The following CLYBL variants were observed in gnomAD, a reference collection of about 807,000 sequenced individuals.
CLYBL encodes citramalyl-CoA lyase, mitochondrial.
A neutral mutation model predicts 38.9 loss-of-function variants in CLYBL; 31 were observed. The observed-to-expected ratio is 0.80, with a 90% CI of 0.60 to 1.08. The LOEUF is 1.08. CLYBL is among the 50% of genes least tolerant of loss of function. CLYBL has a pLI of 0.00. For synonymous variants in CLYBL, 171 were observed against 158.6 expected, an observed-to-expected ratio of 1.08 and a Z score of -0.59; for missense variants, 434 against 411.6, an observed-to-expected ratio of 1.05 and a Z score of -0.47.
intron 1 of CLYBL, among the ~76,000 whole-genome samples, chr13:99,664,117 G>A (rs1307667763): frequency 1.3e-5 from 2 of 152,178 alleles, no homozygotes; most frequent in African/African-American, 2.4e-5. Context: ...ACTCTTGACC[G>A]CTGACATTTA....
At chr13:99,810,922 C>T (rs1057055485) in intron 2 of CLYBL, among the ~76,000 whole-genome samples, 3 of 152,090 alleles carry the variant, frequency 2.0e-5, no homozygotes, top group Non-Finnish European at 2.9e-5. Flanking sequence ...AGCAAAATTC[C>T]GTTCTCTTCT....
intron 1 of CLYBL, among the ~76,000 whole-genome samples, chr13:99,744,005 C>T (rs1408698595): frequency 1.7e-5 from 2 of 118,002 alleles, no homozygotes; most frequent in Non-Finnish European, 3.2e-5. Context: ...CGGAGTTTCG[C>T]TCTGTCACCC....
intron 2 of CLYBL, among the ~76,000 whole-genome samples, chr13:99,790,905 T>C (rs1311429482): frequency 1.3e-5 from 2 of 152,222 alleles, no homozygotes; most frequent in African/African-American, 4.8e-5. Context: ...GGGTGAGGCA[T>C]ATCCGCCAAT....
chr13:99,702,952 A>G (rs2048091381), intron 1 of CLYBL, among the ~76,000 whole-genome samples: 1 of 152,254 alleles, frequency 6.6e-6, no homozygotes, highest in Admixed American at 6.5e-5. Context: ...ACTTTCCACC[A>G]TGAACTCTTT....
intron 2 of CLYBL, among the ~76,000 whole-genome samples, chr13:99,834,853 C>T (rs991756697): frequency 3.3e-5 from 5 of 152,202 alleles, no homozygotes; most frequent in Admixed American, 3.3e-4. Flanking sequence ...ACACTTTTGT[C>T]TTATTGTTCA....
At chr13:99,900,937 C>T (rs1252184221), downstream of CLYBL, among the ~76,000 whole-genome samples, 1 of 152,220 alleles carries the variant, frequency 6.6e-6, no homozygotes, top group Non-Finnish European at 1.5e-5. Context: ...AGTGCCACCT[C>T]GCAATACACC....
chr13:99,692,296 T>TG (rs201273888), intron 1 of CLYBL, among the ~76,000 whole-genome samples: 42,845 of 150,450 alleles, frequency 0.28, 7,162 homozygotes, highest in East Asian at 0.56. Context: ...GTTTTTTTTT[T>TG]TTTGTTTGTT....
chr13:99,822,362 CTG>C (rs2139037616), intron 2 of CLYBL, among the ~76,000 whole-genome samples: 1 of 152,290 alleles, frequency 6.6e-6, no homozygotes, highest in East Asian at 1.9e-4. Flanking sequence ...AGGCTTAAAA[CTG>C]GGACAGGATC....
At chr13:99,616,143 C>CTTTT (rs34142988) in intron 1 of CLYBL, among the ~76,000 whole-genome samples, 6 of 83,812 alleles carry the variant, frequency 7.2e-5, no homozygotes, top group African/African-American at 1.0e-4. Context: ...CCACGCCTGG[C>CTTTT]TTTTTTTTTT....
chr13:99,792,118 T>C lies in CLYBL; in HGVS notation c.249+19108T>C, dbSNP rs997897120. Reference sequence around the variant, plus strand: ...CCAGAGAGAAAAATAAGTCATTTTATTGAACTGCTAAACAATAGATTTTTA... The same window carrying C: ...CCAGAGAGAAAAATAAGTCATTTTACTGAACTGCTAAACAATAGATTTTTA... On this transcript the variant is annotated intron_variant, in intron 2 of 8. Coordinates refer to ENST00000339105, the MANE Select transcript of CLYBL (RefSeq NM_206808.5). Among the ~76,000 whole-genome samples the C allele has an allele frequency of 2.0e-5, 3 of 152,344 alleles. No homozygotes were observed. In the South Asian group the frequency reaches 6.2e-4, roughly 32 times the overall value.
intron 8 of CLYBL, among the ~76,000 whole-genome samples, chr13:99,903,270 C>G (rs72656018): frequency 6.6e-6 from 1 of 152,206 alleles, no homozygotes; most frequent in Non-Finnish European, 1.5e-5. Context: ...GCCCCATGGC[C>G]GCAGTCTGCC....
At chr13:99,906,431 GTTTTCTTTTTT>G (rs2052698454) in intron 9 of CLYBL, among the ~76,000 whole-genome samples, 1 of 11,400 alleles carries the variant, frequency 8.8e-5, no homozygotes, top group African/African-American at 2.1e-4. Context: ...GCTTTTTTGA[GTTTTCTTTTTT>G]TTTTCTTTTT....
intron 6 of CLYBL, among the ~76,000 whole-genome samples, chr13:99,868,197 T>C (rs2051798127): frequency 6.6e-6 from 1 of 152,198 alleles, no homozygotes; most frequent in Non-Finnish European, 1.5e-5. Context: ...TCGTAGGCAG[T>C]TTGCAATTTT....
At chr13:99,689,686 ATGTGACC>A (rs1414372930) in intron 1 of CLYBL, among the ~76,000 whole-genome samples, 2 of 152,222 alleles carry the variant, frequency 1.3e-5, no homozygotes, top group Non-Finnish European at 2.9e-5. Context: ...TACTTTCTAA[ATGTGACC>A]TGACTTGAAA....
intron 4 of CLYBL, among the ~76,000 whole-genome samples, chr13:99,863,818 TC>T (rs1045443264): frequency 1.2e-4 from 18 of 151,782 alleles, no homozygotes; most frequent in African/African-American, 4.4e-4. Context: ...TAGATTCCCT[TC>T]CCCCACCCCA....
intron 1 of CLYBL, among the ~76,000 whole-genome samples, chr13:99,675,352 T>C (rs1481869041): frequency 6.6e-6 from 1 of 152,258 alleles, no homozygotes; most frequent in Non-Finnish European, 1.5e-5. Flanking sequence ...ATCAGCTTTA[T>C]TGAGATATAA....
intron 1 of CLYBL, among the ~76,000 whole-genome samples, chr13:99,737,690 C>A (rs1162265303): frequency 2.6e-5 from 4 of 152,160 alleles, no homozygotes; most frequent in Non-Finnish European, 5.9e-5. Flanking sequence ...TCAAGAAAAA[C>A]AGAACTGTCA....
chr13:99,790,968 T>A (rs1234040951), intron 2 of CLYBL, among the ~76,000 whole-genome samples: 2 of 152,208 alleles, frequency 1.3e-5, no homozygotes, highest in African/African-American at 4.8e-5. Context: ...TATATGAACA[T>A]AATCTCATTT....
At chr13:99,863,658 G>T (rs150147219) in intron 4 of CLYBL, among the ~76,000 whole-genome samples, 1 of 152,208 alleles carries the variant, frequency 6.6e-6, no homozygotes, top group Non-Finnish European at 1.5e-5. Context: ...TTCAGCCGTT[G>T]TGTGGTTGCA....
Sources: allele counts gnomAD v4.1 joint callset (sites outside exome capture counted in the v4.1 genomes callset), GRCh38; gene constraint gnomAD v4.1.1; transcripts MANE v1.5; gene names NCBI Gene and HGNC (gene_info 2026-07-23, HGNC 2026-07-21).